Variants in NEK7 observed in about 807,000 individuals in gnomAD.
NEK7 encodes the protein NIMA related kinase 7.
NEK7 carries 18 observed loss-of-function variants against 44.6 expected under a neutral mutation model. That is an observed-to-expected ratio of 0.40 (90% CI 0.28 to 0.60). The LOEUF is 0.60. Among genes scored for constraint, NEK7 ranks in the 20% least tolerant of loss-of-function variants. The pLI, the probability that NEK7 is intolerant of heterozygous loss-of-function variation, is 0.38. For missense variants in NEK7, 256 were observed against 366.5 expected, an observed-to-expected ratio of 0.70 and a Z score of 2.46; for synonymous variants, 130 against 121.1, an observed-to-expected ratio of 1.07 and a Z score of -0.48.
intron 1 of NEK7, chr1:198,207,076 T>G (rs1665618910): frequency 6.6e-6 from 1 of 152,214 alleles, no homozygotes. Flanking sequence ...ATTAAAATCC[T>G]ATTACTTGTT....
intron 2 of NEK7, among the ~76,000 whole-genome samples, chr1:198,234,977 C>T (rs1022221935): frequency 6.6e-6 from 1 of 152,172 alleles, no homozygotes. Context: ...TTTTAGAAGA[C>T]TGGGAAAGGA....
intron 1 of NEK7, among the ~76,000 whole-genome samples, chr1:198,212,579 C>T (rs1268580073): frequency 6.6e-6 from 1 of 152,234 alleles, no homozygotes; most frequent in Non-Finnish European, 1.5e-5. Flanking sequence ...CTGCTTGTGC[C>T]TGCACGTGGG....
chr1:198,204,672 A>G (rs1372599211), intron 1 of NEK7, among the ~76,000 whole-genome samples: 2 of 148,896 alleles, frequency 1.3e-5, no homozygotes, highest in African/African-American at 4.9e-5. Context: ...TGAGCCAGAG[A>G]TCGCGCAACT....
At chr1:198,289,822 A>G (rs12067298) in intron 7 of NEK7, among the ~76,000 whole-genome samples, 3,632 of 152,312 alleles carry the variant, frequency 0.024, 153 homozygotes, top group African/African-American at 0.082. Context: ...GAACTTCTAA[A>G]TATCAGTCTT....
At chr1:198,239,006 C>T (rs1331220284) in intron 2 of NEK7, among the ~76,000 whole-genome samples, 3 of 152,064 alleles carry the variant, frequency 2.0e-5, no homozygotes, top group African/African-American at 4.8e-5. Context: ...TTGATTTTGC[C>T]GCTTAAGTAG....
At chr1:198,254,901 CCTT>C (rs1229759809) in intron 3 of NEK7, among the ~76,000 whole-genome samples, 1 of 152,054 alleles carries the variant, frequency 6.6e-6, no homozygotes, top group Non-Finnish European at 1.5e-5. Context: ...ACGATTATTC[CCTT>C]ACAAAAGAAC....
At chr1:198,159,054 G>C (rs1215466717) in intron 1 of NEK7, among the ~76,000 whole-genome samples, 1 of 152,198 alleles carries the variant, frequency 6.6e-6, no homozygotes, top group Non-Finnish European at 1.5e-5. Context: ...TGTTAAGGGG[G>C]AGGAAGGAGC....
At chr1:198,269,107 G>A (rs1267005195) in intron 5 of NEK7, among the ~76,000 whole-genome samples, 1 of 152,020 alleles carries the variant, frequency 6.6e-6, no homozygotes, top group Non-Finnish European at 1.5e-5. Flanking sequence ...TTTCCCATTA[G>A]ACTTAAATTT....
intron 1 of NEK7, among the ~76,000 whole-genome samples, chr1:198,176,559 T>G (rs1045374178): frequency 6.8e-6 from 1 of 147,356 alleles, no homozygotes; most frequent in East Asian, 2.0e-4. Flanking sequence ...TTAAGCAGGC[T>G]TATGACATAG....
chr1:198,234,960 A>G (rs1666505091), intron 2 of NEK7, among the ~76,000 whole-genome samples: 1 of 152,198 alleles, frequency 6.6e-6, no homozygotes. Context: ...TGCTCTCAGT[A>G]GCATTATTTT....
At chr1:198,300,609 T>TC (rs1312888401) in intron 9 of NEK7, among the ~76,000 whole-genome samples, 1 of 152,180 alleles carries the variant, frequency 6.6e-6, no homozygotes, top group Non-Finnish European at 1.5e-5. Context: ...CATGGATGCC[T>TC]CCCCCTGCAG....
intron 1 of NEK7, chr1:198,197,755 G>A: frequency 1.5e-6 from 1 of 660,314 alleles, no homozygotes; most frequent in Non-Finnish European, 2.8e-6. Context: ...GGTGAGACTT[G>A]AGGGTAAGGT....
intron 1 of NEK7, among the ~76,000 whole-genome samples, chr1:198,158,866 C>T (rs969476311): frequency 5.9e-5 from 9 of 152,090 alleles, no homozygotes; most frequent in South Asian, 2.1e-4. Context: ...TGGTCTCGCA[C>T]GGGGAACTTG....
At chr1:198,267,922 C>G (rs1001672068) in intron 5 of NEK7, among the ~76,000 whole-genome samples, 4 of 151,976 alleles carry the variant, frequency 2.6e-5, no homozygotes, top group Non-Finnish European at 4.4e-5. Flanking sequence ...AATGACCTCT[C>G]TCATGAAACC....
At chr1:198,313,268 C>T (rs1655247920) in intron 9 of NEK7, among the ~76,000 whole-genome samples, 1 of 152,004 alleles carries the variant, frequency 6.6e-6, no homozygotes, top group South Asian at 2.1e-4. Flanking sequence ...CCACCCCTCC[C>T]TTTTTTTGTT....
chr1:198,271,586 G>A (rs965139021), intron 5 of NEK7, among the ~76,000 whole-genome samples: 2 of 151,740 alleles, frequency 1.3e-5, no homozygotes, highest in Admixed American at 6.6e-5. Context: ...TACACTCTTG[G>A]CCTTTGGATC....
chr1:198,217,380 A>G (rs754899851), intron 1 of NEK7, among the ~76,000 whole-genome samples: 1 of 151,050 alleles, frequency 6.6e-6, no homozygotes, highest in Non-Finnish European at 1.5e-5. Flanking sequence ...AGCATTTGAT[A>G]AAAGCCAGCA....
At chr1:198,226,559 C>G (rs936994761) in intron 1 of NEK7, among the ~76,000 whole-genome samples, 2 of 151,190 alleles carry the variant, frequency 1.3e-5, no homozygotes, top group African/African-American at 4.9e-5. Context: ...AAAAAAAAAC[C>G]CACTTACACA....
chr1:198,257,069 T>G lies in NEK7; in HGVS notation c.198+3889T>G, dbSNP rs541021306. Among the ~76,000 whole-genome samples the G allele has an allele frequency of 5.9e-5, 9 of 152,342 alleles. No homozygotes were observed. In the East Asian group the frequency reaches 1.7e-3, roughly 29 times the overall value. On this transcript the variant is annotated intron_variant, in intron 3 of 9. Transcript: ENST00000367385. Reference sequence around the variant, plus strand: ...GGTATTTTGATCCTTTGTTCATTAATGCTTAATTTCGCTTTGCTTACTCTT... The same window carrying G: ...GGTATTTTGATCCTTTGTTCATTAAGGCTTAATTTCGCTTTGCTTACTCTT...
Sources: allele counts gnomAD v4.1 joint callset (sites outside exome capture counted in the v4.1 genomes callset), GRCh38; gene constraint gnomAD v4.1.1; transcripts MANE v1.5; gene names NCBI Gene and HGNC (gene_info 2026-07-23, HGNC 2026-07-21).